Variants in IMMP2L observed in about 807,000 individuals in gnomAD.
IMMP2L encodes the protein inner mitochondrial membrane peptidase subunit 2.
In IMMP2L, 18 loss-of-function variants were observed where a neutral mutation model predicts 19.3. That is an observed-to-expected ratio of 0.93 (90% CI 0.64 to 1.38). The LOEUF (loss-of-function observed/expected upper bound fraction) is 1.38, where lower values mean the gene tolerates loss of function less well. IMMP2L is among the 40% of genes most tolerant of loss of function. IMMP2L has a pLI of 0.00. For synonymous variants in IMMP2L, 76 were observed against 73.0 expected, an observed-to-expected ratio of 1.04 and a Z score of -0.21; for missense variants, 233 against 218.2, an observed-to-expected ratio of 1.07 and a Z score of -0.43.
chr7:111,150,912 A>G (rs1803998306), intron 3 of IMMP2L, among the ~76,000 whole-genome samples: 1 of 152,140 alleles, frequency 6.6e-6, no homozygotes, highest in Admixed American at 6.5e-5. Context: ...GCCACAGTCC[A>G]TTCCTGATGC....
intron 3 of IMMP2L, among the ~76,000 whole-genome samples, chr7:111,400,073 TCCAAGA>T (rs1001686613): frequency 3.3e-5 from 5 of 152,252 alleles, no homozygotes; most frequent in African/African-American, 1.2e-4. Context: ...CTGTGTGTTT[TCCAAGA>T]CCTCTCAACG....
intron 3 of IMMP2L, among the ~76,000 whole-genome samples, chr7:110,983,064 T>G (rs972771932): frequency 6.6e-6 from 1 of 152,070 alleles, no homozygotes; most frequent in Non-Finnish European, 1.5e-5. Flanking sequence ...GTCATGCAAT[T>G]ATCAACAAAT....
At chr7:110,978,023 T>C (rs1820883045) in intron 3 of IMMP2L, among the ~76,000 whole-genome samples, 1 of 151,986 alleles carries the variant, frequency 6.6e-6, no homozygotes, top group African/African-American at 2.4e-5. Flanking sequence ...CACGAAAAAC[T>C]AGGTAACAAA....
Position 110,803,792 on chromosome 7 carries a change from A to T in IMMP2L, c.408+82801T>A, listed in dbSNP as rs1801421931. 6.6e-6 allele frequency among the ~76,000 whole-genome samples: 1 copy of T among 152,026 alleles called. No individual in the cohort carries two copies. The highest frequency in any genetic ancestry group is 1.5e-5 in the Non-Finnish European group (1 of 67,972). On this transcript the variant is annotated intron_variant, in intron 5 of 5. Coordinates refer to ENST00000405709, the MANE Select transcript of IMMP2L (RefSeq NM_032549.4). The surrounding 1 kb of genome is among the most constrained non-coding windows in gnomAD (Gnocchi z 4.2). ...CACCTGGGGAGTCAGAGTTACCAGT[A>T]GTTTTCAAAGTATGGTCCTGGAACC... is the stretch of plus-strand genomic sequence containing the variant.
intron 4 of IMMP2L, chr7:110,962,981 C>A: frequency 6.7e-7 from 1 of 1,484,880 alleles, no homozygotes; most frequent in Non-Finnish European, 8.9e-7. Flanking sequence ...TACGACATTA[C>A]TAAAGGCTGC....
intron 5 of IMMP2L, among the ~76,000 whole-genome samples, chr7:110,719,872 CTATT>C (rs886475214): frequency 6.6e-6 from 1 of 152,184 alleles, no homozygotes; most frequent in African/African-American, 2.4e-5. Context: ...TCACCACCCA[CTATT>C]TATAACATTT....
intron 3 of IMMP2L, among the ~76,000 whole-genome samples, chr7:111,237,287 C>G (rs1814444535): frequency 6.6e-6 from 1 of 151,964 alleles, no homozygotes; most frequent in Non-Finnish European, 1.5e-5. Context: ...GCCTTAGATA[C>G]TGAGTAATTA....
intron 3 of IMMP2L, among the ~76,000 whole-genome samples, chr7:111,126,297 C>A (rs1011189907): frequency 6.6e-6 from 1 of 152,018 alleles, no homozygotes; most frequent in Non-Finnish European, 1.5e-5. Context: ...ATGTTTCAGT[C>A]CAACACTAAG....
chr7:111,140,518 T>C (rs1395415989), intron 3 of IMMP2L, among the ~76,000 whole-genome samples: 2 of 152,230 alleles, frequency 1.3e-5, no homozygotes, highest in Non-Finnish European at 2.9e-5. Context: ...ATGCATCATT[T>C]ACTATCATAT....
At chr7:111,222,382 TTAAGA>T (rs1458486983) in intron 3 of IMMP2L, among the ~76,000 whole-genome samples, 1 of 151,578 alleles carries the variant, frequency 6.6e-6, no homozygotes, top group African/African-American at 2.4e-5. Context: ...ATGAGCAAAA[TTAAGA>T]TAAGCCACAG....
rs1563331011 is a variant in IMMP2L at position 111,539,214 on chromosome 7, GAAAGAA to G, written c.-2-17771_-2-17766del. On this transcript the variant is annotated intron_variant, in intron 1 of 5. Coordinates refer to ENST00000405709, the MANE Select transcript of IMMP2L (RefSeq NM_032549.4). Reference sequence around the variant, plus strand: ...AAGGAGGGAGAAAGAAAGAAAGAAAGAAAGAAAGAAAGAAAGAAAGAAAGAAAGAAA... The same window carrying G: ...AAGGAGGGAGAAAGAAAGAAAGAAAGAGAAAGAAAGAAAGAAAGAAAGAAA... Among the ~76,000 whole-genome samples the G allele has an allele frequency of 2.1e-3, 201 of 94,898 alleles. 8 individuals are homozygous for G. Among genetic ancestry groups the G allele is most frequent in the Admixed American group, 2.9e-3 (28 of 9,674 alleles). 62.3% of individuals were successfully genotyped at this position (94,898 alleles called of 152,430 possible).
Position 110,698,001 on chromosome 7 carries a change from A to C in IMMP2L, c.409-34280T>G, listed in dbSNP as rs549313647. 1.2e-4 allele frequency among the ~76,000 whole-genome samples: 18 copies of C among 152,310 alleles called. 1 individual carries two copies. The East Asian group carries it at 3.5e-3, about 29-fold the overall frequency. ...TATGGTTAAATATACATGTCACTAA[A>C]TGCTAATATCTGTCAAAACATTCAT... On this transcript the variant is annotated intron_variant, in intron 5 of 5. Transcript: ENST00000405709.
intron 1 of IMMP2L, among the ~76,000 whole-genome samples, chr7:111,544,745 A>G (rs538011014): frequency 8.5e-5 from 13 of 152,128 alleles, no homozygotes; most frequent in Admixed American, 2.6e-4. Context: ...GCAGCTGAGA[A>G]GGGGAGGTTT....
chr7:111,201,484 G>C (rs923136549), intron 3 of IMMP2L, among the ~76,000 whole-genome samples: 2 of 146,020 alleles, frequency 1.4e-5, no homozygotes, highest in Admixed American at 1.4e-4. Context: ...GGGAGGCTGA[G>C]GGGGGCAGAC....
chr7:110,692,642 G>A (rs953501587), intron 5 of IMMP2L, among the ~76,000 whole-genome samples: 18 of 152,122 alleles, frequency 1.2e-4, no homozygotes, highest in African/African-American at 4.1e-4. Context: ...AAACTTCGCC[G>A]ATTATTTACA....
chr7:111,119,721 A>G (rs1353463224), intron 3 of IMMP2L, among the ~76,000 whole-genome samples: 1 of 152,182 alleles, frequency 6.6e-6, no homozygotes, highest in South Asian at 2.1e-4. Flanking sequence ...TTCATTCAAA[A>G]CATTTCTTGA....
chr7:110,962,783 AG>A lies in IMMP2L; in HGVS notation c.305+716del, dbSNP rs1294060824. The A allele has an allele frequency of 6.9e-6, 8 of 1,153,508 alleles. No individual in the cohort carries two copies. The African/African-American group carries it at 1.3e-4, about 18-fold the overall frequency. The allele number at this position is 1,153,508 out of a possible 1,614,324, so 71.5% of individuals were successfully genotyped here. A position where few individuals can be genotyped will look rare whatever the true frequency, so the allele number is the denominator to read the frequency against. ...CATTAATACAAATACTTTAGGATCA[AG>A]TTTTTTTAGAAAACAGGGTCAGAAA... is the stretch of plus-strand genomic sequence containing the variant. On this transcript the variant is annotated intron_variant, in intron 4 of 5. Coordinates refer to ENST00000405709, the MANE Select transcript of IMMP2L (RefSeq NM_032549.4).
intron 1 of IMMP2L, among the ~76,000 whole-genome samples, chr7:111,553,607 C>T (rs888749244): frequency 6.6e-6 from 1 of 152,104 alleles, no homozygotes; most frequent in Non-Finnish European, 1.5e-5. Context: ...ATCTTAATTA[C>T]AATAAGCATC....
chr7:110,914,620 T>A (rs970828824), intron 4 of IMMP2L, among the ~76,000 whole-genome samples: 1 of 152,142 alleles, frequency 6.6e-6, no homozygotes, highest in Non-Finnish European at 1.5e-5. Context: ...CTACCCAAGC[T>A]TTACCATAAA....
Sources: gnomAD v4.1 joint callset for allele counts (sites outside exome capture counted in the v4.1 genomes callset) on GRCh38, gnomAD v4.1.1 for gene constraint, Gnocchi (gnomAD v3.1) non-coding constraint, MANE v1.5 for transcripts, NCBI Gene and HGNC (gene_info 2026-07-23, HGNC 2026-07-21) for gene names.